The following WDR89 variants were observed in gnomAD, a reference collection of about 807,000 sequenced individuals.
The protein encoded by WDR89 is WD repeat-containing protein 89.
Under a neutral mutation model 29.1 loss-of-function variants are expected in WDR89, and 17 were observed. That is an observed-to-expected ratio of 0.58 (90% CI 0.40 to 0.88). The LOEUF is 0.88. Among genes scored for constraint, WDR89 ranks in the 40% least tolerant of loss-of-function variants. WDR89 has a pLI of 0.00. For synonymous variants in WDR89, 138 were observed against 157.8 expected (o/e 0.87, Z 0.94); for missense variants, 396 against 456.3 (o/e 0.87, Z 1.20).
At chr14:63,635,763 A>G (rs986397279) in intron 1 of WDR89, among the ~76,000 whole-genome samples, 2 of 152,376 alleles carry the variant, frequency 1.3e-5, no homozygotes, top group East Asian at 1.9e-4. Flanking sequence ...TAGAACTGAT[A>G]AAAGAATCCA....
chr14:63,600,551 T>TAAAA (rs1046165572), intron 2 of WDR89, among the ~76,000 whole-genome samples: 2 of 151,032 alleles, frequency 1.3e-5, no homozygotes, highest in Non-Finnish European at 3.0e-5. Flanking sequence ...AGTAAGAGAA[T>TAAAA]AAAAAACATG....
At chr14:63,632,054 G>A (rs1334157106) in intron 1 of WDR89, among the ~76,000 whole-genome samples, 1 of 151,792 alleles carries the variant, frequency 6.6e-6, no homozygotes, top group African/African-American at 2.4e-5. Flanking sequence ...GAAGGCTGCA[G>A]TGAGCCGACA....
intron 2 of WDR89, among the ~76,000 whole-genome samples, chr14:63,617,023 T>C (rs2139528563): frequency 6.6e-6 from 1 of 151,626 alleles, no homozygotes; most frequent in South Asian, 2.1e-4. Flanking sequence ...GGTTTCTGGC[T>C]TAAGCAGCAA....
At chr14:63,600,491 C>A (rs1487602571) in intron 2 of WDR89, among the ~76,000 whole-genome samples, 1 of 150,928 alleles carries the variant, frequency 6.6e-6, no homozygotes, top group African/African-American at 2.4e-5. Flanking sequence ...TGAGATCCTG[C>A]CTCAAAAAAG....
Position 63,636,431 on chromosome 14 carries a change from G to T in WDR89, c.-138+5373C>A, listed in dbSNP as rs147565667. 1.6e-4 allele frequency among the ~76,000 whole-genome samples: 25 copies of T among 152,108 alleles called. No individual in the cohort carries two copies. In the East Asian group the frequency reaches 4.8e-3, roughly 29 times the overall value. On this transcript the variant is annotated intron_variant, in intron 1 of 2. Coordinates refer to ENST00000620954, the MANE Select transcript of WDR89 (RefSeq NM_080666.4). ...AAAAAACAATCCTAAAATTCATATG[G>T]AACCAAAAAGGAGCCCGCATAGCCA...
At chr14:63,641,110 A>G (rs796068789) in intron 1 of WDR89, among the ~76,000 whole-genome samples, 94 of 150,232 alleles carry the variant, frequency 6.3e-4, no homozygotes, top group Middle Eastern at 3.4e-3. Flanking sequence ...AAAAAAAAAA[A>G]AAAAAGAAAA....
chr14:63,612,249 G>A (rs980499985), intron 2 of WDR89, among the ~76,000 whole-genome samples: 3 of 151,862 alleles, frequency 2.0e-5, no homozygotes, highest in African/African-American at 7.3e-5. Flanking sequence ...TTATACAGCA[G>A]AGCCAACAGA....
intron 1 of WDR89, among the ~76,000 whole-genome samples, chr14:63,639,279 G>A (rs1469897103): frequency 6.6e-6 from 1 of 151,658 alleles, no homozygotes; most frequent in Non-Finnish European, 1.5e-5. Context: ...CAGAACTTTG[G>A]GAGGCCAAGG....
chr14:63,626,815 T>TG (rs1883092832), intron 1 of WDR89, among the ~76,000 whole-genome samples: 1 of 145,330 alleles, frequency 6.9e-6, no homozygotes, highest in East Asian at 2.1e-4. Context: ...TGTCAGGAAA[T>TG]GGGCATCTGT....
intron 2 of WDR89, among the ~76,000 whole-genome samples, chr14:63,606,517 T>C (rs1434480425): frequency 2.0e-5 from 3 of 152,200 alleles, no homozygotes; most frequent in African/African-American, 7.2e-5. Context: ...GTATTTACCA[T>C]TGTGTTACAA....
chr14:63,640,722 C>G (rs1164532744), intron 1 of WDR89, among the ~76,000 whole-genome samples: 1 of 151,522 alleles, frequency 6.6e-6, no homozygotes, highest in African/African-American at 2.4e-5. Context: ...GTGATCCGCC[C>G]GCCTCGGCCT....
rs1187840836 is a variant in WDR89, at chr14:63,599,876, G to A, written c.67C>T (p.Pro23Ser). ...IVKCSLGTKE[P>S]TYLLGIDTSK... is the part of the protein sequence containing the mutation. ...GTGTCTATACCAAGAAGGTAAGTGG[G>A]CTCTTTGGTTCCTAAGGAACATTTA... The change falls in exon 3 of 3, where the codon CCC becomes TCC. Residue 23 changes from proline (P) to serine (S), a missense_variant. By Grantham distance (74) the Pro-to-Ser change is moderately conservative. Transcript: ENST00000620954. 1 of 1,613,848 alleles carries A rather than the reference G, an allele frequency of 6.2e-7. No individual in the cohort carries two copies. The highest frequency in any genetic ancestry group is 8.5e-7 in the Non-Finnish European group (1 of 1,179,912).
At chr14:63,630,222 ACAGGCGTGAGCCACTG>A (rs1883309099) in intron 1 of WDR89, among the ~76,000 whole-genome samples, 1 of 151,164 alleles carries the variant, frequency 6.6e-6, no homozygotes, top group South Asian at 2.1e-4. Flanking sequence ...TGCTGGGATT[ACAGGCGTGAGCCACTG>A]CACCCAACCC....
At chr14:63,640,529 C>T (rs1192764514) in intron 1 of WDR89, among the ~76,000 whole-genome samples, 1 of 151,850 alleles carries the variant, frequency 6.6e-6, no homozygotes, top group Non-Finnish European at 1.5e-5. Flanking sequence ...CACTCTGTCG[C>T]CCAGGCTGGA....
chr14:63,627,348 C>T (rs1883139162), intron 1 of WDR89, among the ~76,000 whole-genome samples: 2 of 152,010 alleles, frequency 1.3e-5, no homozygotes, highest in Admixed American at 1.3e-4. Context: ...AACAAAAAAA[C>T]CTAACAGCCT....
chr14:63,606,872 T>C (rs1245809091), intron 2 of WDR89, among the ~76,000 whole-genome samples: 2 of 152,226 alleles, frequency 1.3e-5, no homozygotes, highest in Non-Finnish European at 2.9e-5. Flanking sequence ...AGCTACTAAG[T>C]GAACATATTG....
chr14:63,634,243 C>T (rs1215451499), intron 1 of WDR89, among the ~76,000 whole-genome samples: 1 of 152,090 alleles, frequency 6.6e-6, no homozygotes, highest in East Asian at 1.9e-4. Flanking sequence ...AAAAACTGGC[C>T]AGGTGTGGTG....
At chr14:63,608,597 T>C (rs1205852774) in intron 2 of WDR89, among the ~76,000 whole-genome samples, 1 of 151,960 alleles carries the variant, frequency 6.6e-6, no homozygotes, top group East Asian at 1.9e-4. Context: ...TTTCAGAGAT[T>C]GTCAATTTGG....
intron 2 of WDR89, among the ~76,000 whole-genome samples, chr14:63,613,843 T>A (rs1412441908): frequency 1.0e-4 from 15 of 143,486 alleles, no homozygotes; most frequent in South Asian, 2.2e-4. Context: ...TTTTTTTTTT[T>A]AATACAAACA....
Sources: gnomAD v4.1 joint callset for allele counts (sites outside exome capture counted in the v4.1 genomes callset) on GRCh38, gnomAD v4.1.1 for gene constraint, MANE v1.5 for transcripts, NCBI Gene and HGNC (gene_info 2026-07-23, HGNC 2026-07-21) for gene names.